RIF1: variants seen among roughly 807,000 people sequenced by gnomAD.
RIF1 encodes the protein replication timing regulatory factor 1.
RIF1 carries 45 observed loss-of-function variants against 247.1 expected under a neutral mutation model. The ratio of observed to expected loss-of-function variants is 0.18; its 90% CI spans 0.14 to 0.23. The LOEUF is 0.23. Ranked by LOEUF, RIF1 falls within the 10% of genes least tolerant of loss-of-function variation. RIF1 has a pLI of 1.00. For missense variants in RIF1, 2,967 were observed against 2,862.5 expected (o/e 1.04, Z -0.83); for synonymous variants, 1,087 against 978.8 (o/e 1.11, Z -2.06).
downstream of RIF1, among the ~76,000 whole-genome samples, chr2:151,485,096 A>G (rs543452660): frequency 6.6e-6 from 1 of 152,348 alleles, no homozygotes; most frequent in East Asian, 1.9e-4. Context: ...CCTACTGGAT[A>G]CAGATGGGAA....
chr2:151,410,647 G>A (rs1685994071), intron 2 of RIF1, 120 bp downstream of exon 2: 1 of 814,278 alleles, frequency 1.2e-6, no homozygotes, highest in Non-Finnish European at 2.0e-6. Context: ...ATGTGAGGAC[G>A]CCCGAGTCGC....
At chr2:151,410,299 C>A in intron 1 of RIF1, 115 bp from the exon 2 acceptor site, 1 of 773,050 alleles carries the variant, frequency 1.3e-6, no homozygotes, top group South Asian at 1.6e-5. Flanking sequence ...GCAGACGCGG[C>A]GTGGCTGTGA....
intron 27 of RIF1, 125 bp from the exon 28 acceptor site, chr2:151,462,117 C>T: frequency 2.0e-6 from 1 of 510,780 alleles, no homozygotes; most frequent in Non-Finnish European, 3.3e-6. Flanking sequence ...AAGCAGCCCA[C>T]CCACCTCAAC....
In RIF1 at chr2:151,416,895, T is replaced by C. The variant is rs1687301683; in HGVS notation, c.497T>C (p.Ile166Thr). 1.2e-6 allele frequency: 2 copies of C among 1,605,756 alleles called. No individual in the cohort carries two copies. Among genetic ancestry groups the C allele is most frequent in the Non-Finnish European group, 8.5e-7 (1 of 1,173,428 alleles). Residue 166 changes from isoleucine (I) to threonine (T), a missense_variant, in exon 6 of 36, where the codon ATC (isoleucine) becomes ACC (threonine). Ile to Thr is a moderately conservative substitution (Grantham distance 89). Coordinates refer to ENST00000444746, the MANE Select transcript of RIF1 (RefSeq NM_018151.5). ...GTTGATTTTGAAGCATTAAATGTTA[T>C]CGTAAGGTATGCATTTGGATGTTGT... ...AVVDFEALNV[I>T]VRLIEQAPIQ...
chr2:151,438,659 T>A, intron 13 of RIF1, 25 bp from the exon 14 acceptor site: 1 of 1,554,380 alleles, frequency 6.4e-7, no homozygotes, highest in South Asian at 1.1e-5. Context: ...TCATTTAAAA[T>A]ACTCAAGTTT....
chr2:151,432,671 T>C (rs1045199980), intron 9 of RIF1, among the ~76,000 whole-genome samples: 2 of 152,208 alleles, frequency 1.3e-5, no homozygotes, highest in African/African-American at 2.4e-5. Context: ...GTCAAAGTTT[T>C]GGCATTTTGT....
At chr2:151,485,928 GAT>G (rs768045509), downstream of RIF1, 2 of 1,613,692 alleles carry the variant, frequency 1.2e-6, no homozygotes, top group Non-Finnish European at 1.7e-6. Flanking sequence ...TGGCACGGAA[GAT>G]TTTCTATTCG....
intron 11 of RIF1, among the ~76,000 whole-genome samples, chr2:151,500,692 G>T (rs900412173): frequency 1.3e-5 from 2 of 150,434 alleles, no homozygotes; most frequent in Admixed American, 1.3e-4. Context: ...GACTTCCTAG[G>T]GTTCAGATGA....
chr2:151,429,460 G>A lies in RIF1; in HGVS notation c.925+538G>A, dbSNP rs531056341. On this transcript the variant is annotated intron_variant, in intron 9 of 35. Coordinates refer to ENST00000444746, the MANE Select transcript of RIF1 (RefSeq NM_018151.5). ...CCTCCCAAATGCTGGGATTACAGGCGTGAGCCACTGCCCCCAGCCTATTAT... is the reference window on the plus strand; with the variant it reads ...CCTCCCAAATGCTGGGATTACAGGCATGAGCCACTGCCCCCAGCCTATTAT... 1.7e-3 allele frequency among the ~76,000 whole-genome samples: 254 copies of A among 152,314 alleles called. 2 individuals carry two copies. Among genetic ancestry groups the A allele is most frequent in the African/African-American group, 5.9e-3 (245 of 41,572 alleles).
At chr2:151,429,893 A>G (rs917160664) in intron 9 of RIF1, among the ~76,000 whole-genome samples, 12 of 152,208 alleles carry the variant, frequency 7.9e-5, no homozygotes, top group African/African-American at 2.4e-4. Flanking sequence ...TTAACACTGT[A>G]TGTTTACAAG....
chr2:151,418,260 A>T (rs2152125093), intron 6 of RIF1, among the ~76,000 whole-genome samples: 1 of 152,296 alleles, frequency 6.6e-6, no homozygotes, highest in South Asian at 2.1e-4. Context: ...GCTGGAGTGT[A>T]GTGGTGTGAT....
At chr2:151,417,034 C>G (rs1413203084) in intron 6 of RIF1, 133 bp downstream of exon 6, 1 of 640,014 alleles carries the variant, frequency 1.6e-6, no homozygotes, top group East Asian at 2.8e-5. Flanking sequence ...GACTCAAGGA[C>G]AAAAAGTAAT....
chr2:151,525,950 T>C, the RIF1 span: 2 of 1,609,120 alleles, frequency 1.2e-6, no homozygotes. Context: ...CGGTGGTTGA[T>C]CACTTACATC....
At chr2:151,449,174 G>T (rs886953473) in intron 20 of RIF1, among the ~76,000 whole-genome samples, 11 of 152,186 alleles carry the variant, frequency 7.2e-5, no homozygotes, top group Admixed American at 2.0e-4. Flanking sequence ...GGACATAAAA[G>T]TTGTTGCTTA....
chr2:151,495,222 C>A (rs565124435), intron 9 of RIF1: 2 of 152,140 alleles, frequency 1.3e-5, no homozygotes, highest in Non-Finnish European at 2.9e-5. Flanking sequence ...TCGGTATCTC[C>A]CCTCAGTGTC....
intron 11 of RIF1, among the ~76,000 whole-genome samples, chr2:151,499,817 A>T (rs1448984373): frequency 6.6e-6 from 1 of 152,222 alleles, no homozygotes; most frequent in East Asian, 1.9e-4. Flanking sequence ...GGTCCTTGTC[A>T]TTAAGTTCAA....
At chr2:151,521,051 A>AACC in the RIF1 span, among the ~76,000 whole-genome samples, 5 of 152,160 alleles carry the variant, frequency 3.3e-5, no homozygotes, top group Non-Finnish European at 7.4e-5. Context: ...GATGTTAGCC[A>AACC]ACCAAAAGGG....
intron 18 of RIF1, among the ~76,000 whole-genome samples, chr2:151,444,753 T>C (rs1391354383): frequency 6.6e-6 from 1 of 152,192 alleles, no homozygotes; most frequent in African/African-American, 2.4e-5. Context: ...GAATGCTGTG[T>C]ATGTATAGTA....
rs1009400247 is a variant in RIF1, at chr2:151,464,339, A to G, written c.4819A>G (p.Thr1607Ala). ...AENQSHDYKATSEEDVSIKSP... is the reference protein window; with the variant it reads ...AENQSHDYKAASEEDVSIKSP... ...AAATCAGTCACATGATTATAAAGCA[A>G]CTTCTGAAGAAGATGTAAGCATAAA... The change falls in exon 30 of 36, where the codon ACT becomes GCT. Residue 1607 changes from threonine to alanine, a missense_variant. Physicochemically the swap from Thr to Ala is moderately conservative, Grantham distance 58. Around this residue, in one of 7 missense-constraint regions of RIF1, gnomAD observed 2,028 missense variants for 1,825.6 expected, o/e 1.11. Coordinates refer to ENST00000444746, the MANE Select transcript of RIF1 (RefSeq NM_018151.5). 2.5e-6 allele frequency: 4 copies of G among 1,610,372 alleles called. No individual in the cohort carries two copies. The highest frequency in any genetic ancestry group is 2.2e-5 in the East Asian group (1 of 44,864).
Sources: gnomAD v4.1 joint callset for allele counts (sites outside exome capture counted in the v4.1 genomes callset) on GRCh38, gnomAD v4.1.1 for gene constraint, gnomAD v4.1.1 regional missense constraint, MANE v1.5 for transcripts, NCBI Gene and HGNC (gene_info 2026-07-23, HGNC 2026-07-21) for gene names.